Variants in SORCS2 observed in about 807,000 individuals in gnomAD.
The protein encoded by SORCS2 is VPS10 domain-containing receptor SorCS2.
SORCS2 carries 100 observed loss-of-function variants against 141.6 expected under a neutral mutation model. The ratio of observed to expected loss-of-function variants is 0.71; its 90% CI spans 0.60 to 0.83. The LOEUF is 0.83. Among genes scored for constraint, SORCS2 ranks in the 40% least tolerant of loss-of-function variants. The pLI, the probability that SORCS2 is intolerant of heterozygous loss-of-function variation, is 0.00. For synonymous variants in SORCS2, 789 were observed against 676.9 expected (o/e 1.17, Z -2.57); for missense variants, 1,646 against 1,560.2 (o/e 1.05, Z -0.93).
At chr4:7,580,847 T>C (rs995759859) in intron 3 of SORCS2, among the ~76,000 whole-genome samples, 3 of 152,052 alleles carry the variant, frequency 2.0e-5, no homozygotes, top group Non-Finnish European at 2.9e-5. Flanking sequence ...GGGGTGAAAA[T>C]CAATGGAGGA....
intron 14 of SORCS2, among the ~76,000 whole-genome samples, chr4:7,708,632 C>A (rs1725628661): frequency 6.6e-6 from 1 of 152,226 alleles, no homozygotes; most frequent in South Asian, 2.1e-4. Flanking sequence ...CCAAGTCCTC[C>A]CTCCGTCTTT....
At position 7,725,257 on chromosome 4, in the gene SORCS2, C is replaced by T. The variant is rs970360871; in HGVS notation, c.2715C>T (p.Val905=). 3 of 1,613,592 alleles carry T rather than the reference C, an allele frequency of 1.9e-6. No homozygotes were observed. The highest frequency in any genetic ancestry group is 1.7e-6 in the Non-Finnish European group (2 of 1,179,660). The change falls in exon 20 of 27, where the codon GTC becomes GTT. Residue 905 remains valine, a synonymous_variant. Coordinates refer to ENST00000507866, the MANE Select transcript of SORCS2 (RefSeq NM_020777.3). ...VLLPLNPNLT[V]FYWWIGHSLQ... ...TTCCCTTGAACCCTAACCTCACCGT[C>T]TTCTACTGGTGGATCGGCCACAGCC...
chr4:7,455,359 A>G (rs1347831583), intron 2 of SORCS2, among the ~76,000 whole-genome samples: 214 of 36,428 alleles, frequency 5.9e-3, no homozygotes, highest in Non-Finnish European at 6.0e-3. Context: ...GTCAGGCGCT[A>G]TGTTGGGGTC....
chr4:7,706,690 GGATGAGGCTGGGCTCTGCCTGGACAGA>G (rs1560499221), intron 14 of SORCS2, among the ~76,000 whole-genome samples: 3 of 142,312 alleles, frequency 2.1e-5, no homozygotes, highest in African/African-American at 5.4e-5. Flanking sequence ...TCCTGGGCAG[GGATGAGGCTGGGCTCTGCCTGGACAGA>G]GATGAGGCTG....
chr4:7,320,644 C>T (rs1404445284), intron 1 of SORCS2, among the ~76,000 whole-genome samples: 1 of 152,188 alleles, frequency 6.6e-6, no homozygotes, highest in Admixed American at 6.5e-5. Flanking sequence ...AAGGCAGGGC[C>T]CCGTGACTCT....
chr4:7,369,848 C>T (rs1722136486), intron 1 of SORCS2, among the ~76,000 whole-genome samples: 1 of 152,256 alleles, frequency 6.6e-6, no homozygotes, highest in South Asian at 2.1e-4. Context: ...TGCTCACACA[C>T]ATCAGCTCTC....
chr4:7,621,858 C>G (rs1347267115), intron 3 of SORCS2, among the ~76,000 whole-genome samples: 4 of 152,220 alleles, frequency 2.6e-5, no homozygotes, highest in African/African-American at 9.6e-5. Flanking sequence ...AGCCTGGCCT[C>G]TGGGGCGGTG....
chr4:7,577,010 T>C (rs1715795691), intron 3 of SORCS2, among the ~76,000 whole-genome samples: 1 of 152,234 alleles, frequency 6.6e-6, no homozygotes, highest in Non-Finnish European at 1.5e-5. Context: ...TGAGGACAGA[T>C]GTGGTCTTCT....
intron 1 of SORCS2, among the ~76,000 whole-genome samples, chr4:7,366,062 C>T (rs1362880911): frequency 1.3e-5 from 2 of 152,162 alleles, no homozygotes; most frequent in African/African-American, 4.8e-5. Context: ...GCAGGCACCT[C>T]AGTTCTGTGC....
At chr4:7,550,132 ATGTGTGTGTG>A (rs36213889) in intron 3 of SORCS2, among the ~76,000 whole-genome samples, 3 of 142,214 alleles carry the variant, frequency 2.1e-5, no homozygotes, top group Non-Finnish European at 4.5e-5. Flanking sequence ...GTATGTGTGT[ATGTGTGTGTG>A]TGTGTGTGTG....
At chr4:7,593,025 A>G (rs1394637407) in intron 3 of SORCS2, among the ~76,000 whole-genome samples, 1 of 152,146 alleles carries the variant, frequency 6.6e-6, no homozygotes, top group African/African-American at 2.4e-5. Flanking sequence ...TAAAACCTAT[A>G]TAATTTATGG....
At chr4:7,639,912 T>G (rs1483116815) in intron 4 of SORCS2, among the ~76,000 whole-genome samples, 1 of 101,610 alleles carries the variant, frequency 9.8e-6, no homozygotes, top group Non-Finnish European at 2.1e-5. Context: ...TGTTTGTGGG[T>G]GTGTGTGTGT....
chr4:7,729,306 G>T (rs1057216336), intron 22 of SORCS2, among the ~76,000 whole-genome samples: 1 of 152,094 alleles, frequency 6.6e-6, no homozygotes, highest in African/African-American at 2.4e-5. Flanking sequence ...CTCTAGTCAT[G>T]GTCTGAAGAA....
At chr4:7,616,367 A>G (rs542950924) in intron 3 of SORCS2, among the ~76,000 whole-genome samples, 2 of 151,976 alleles carry the variant, frequency 1.3e-5, no homozygotes, top group South Asian at 2.1e-4. Context: ...TCATCCACCT[A>G]TCTACCCATT....
intron 1 of SORCS2, among the ~76,000 whole-genome samples, chr4:7,327,972 A>G (rs1248988916): frequency 6.9e-6 from 1 of 145,894 alleles, no homozygotes; most frequent in Admixed American, 6.9e-5. Flanking sequence ...TCTCTTCCTC[A>G]TCATCAGAGT....
At chr4:7,320,857 C>T (rs938128344) in intron 1 of SORCS2, among the ~76,000 whole-genome samples, 3 of 152,064 alleles carry the variant, frequency 2.0e-5, no homozygotes, top group African/African-American at 7.2e-5. Context: ...CCCACCCTCC[C>T]TTCCTCCATT....
At position 7,279,852 on chromosome 4, in the gene SORCS2, C is replaced by T. The variant is rs74617135; in HGVS notation, c.480+86726C>T. On this transcript the variant is annotated intron_variant, in intron 1 of 26. Coordinates refer to ENST00000507866, the MANE Select transcript of SORCS2 (RefSeq NM_020777.3). ...GCAAAATATCTATTTCTGGACGCAC[C>T]TCCCCTCCCCCGCCCCCCAATTAAT... Among the ~76,000 whole-genome samples the T allele has an allele frequency of 7.3e-3, 1,110 of 151,646 alleles. 12 individuals are homozygous for T. The highest frequency in any genetic ancestry group is 0.024 in the African/African-American group (994 of 41,230).
At position 7,542,031 on chromosome 4, in the gene SORCS2, G is replaced by A. The variant is rs370904148; in HGVS notation, c.648+10402G>A. Among the ~76,000 whole-genome samples, 17 of 152,208 alleles carry A rather than the reference G, an allele frequency of 1.1e-4. 2 individuals carry two copies. The East Asian group carries it at 1.7e-3, about 16-fold the overall frequency. ...GCCCCATTCCCCTTTTGTAACAGGG[G>A]TGAGGGCAAGGCAATTGCCCAGCAG... On this transcript the variant is annotated intron_variant, in intron 3 of 26. Transcript: ENST00000507866.
intron 23 of SORCS2, among the ~76,000 whole-genome samples, chr4:7,732,792 G>A (rs1369594085): frequency 2.0e-5 from 3 of 152,092 alleles, no homozygotes; most frequent in Admixed American, 1.3e-4. Flanking sequence ...GCCATGTCTC[G>A]GTCGCCTTTG....
Sources: gnomAD v4.1 joint callset for allele counts (sites outside exome capture counted in the v4.1 genomes callset) on GRCh38, gnomAD v4.1.1 for gene constraint, MANE v1.5 for transcripts, NCBI Gene and HGNC (gene_info 2026-07-23, HGNC 2026-07-21) for gene names.